The following DLG1 variants were observed in gnomAD, a reference collection of about 807,000 sequenced individuals.
The protein encoded by DLG1 is disks large homolog 1.
A neutral mutation model predicts 123.4 loss-of-function variants in DLG1; 42 were observed. The observed-to-expected ratio is 0.34, with a 90% CI of 0.27 to 0.44. DLG1 has a LOEUF of 0.44. Among genes scored for constraint, DLG1 ranks in the 20% least tolerant of loss-of-function variants. DLG1 has a pLI of 1.00. For missense variants in DLG1, 942 were observed against 1,082.6 expected (o/e 0.87, Z 1.82); for synonymous variants, 317 against 356.2 (o/e 0.89, Z 1.24).
intron 4 of DLG1, among the ~76,000 whole-genome samples, chr3:197,208,843 A>G (rs1044684465): frequency 6.8e-6 from 1 of 146,078 alleles, no homozygotes; most frequent in Admixed American, 6.9e-5. Context: ...AGACCTTTTC[A>G]TCTTCATACA....
At chr3:197,063,363 C>A (rs574868327) in intron 22 of DLG1, among the ~76,000 whole-genome samples, 2 of 151,986 alleles carry the variant, frequency 1.3e-5, no homozygotes, top group Non-Finnish European at 2.9e-5. Flanking sequence ...AGAGAAATGT[C>A]ATACCCCTCA....
intron 4 of DLG1, among the ~76,000 whole-genome samples, chr3:197,248,026 A>G (rs1752598684): frequency 1.3e-5 from 2 of 152,142 alleles, no homozygotes; most frequent in Admixed American, 1.3e-4. Flanking sequence ...GGCCGCCATC[A>G]GAAGCCATAT....
intron 5 of DLG1, among the ~76,000 whole-genome samples, chr3:197,172,141 T>C (rs1320116085): frequency 1.3e-5 from 2 of 151,984 alleles, no homozygotes; most frequent in Non-Finnish European, 2.9e-5. Flanking sequence ...TATAAAATTA[T>C]AATGGAGCTG....
chr3:197,285,394 A>T (rs1327023754), intron 3 of DLG1, among the ~76,000 whole-genome samples: 1 of 152,008 alleles, frequency 6.6e-6, no homozygotes, highest in East Asian at 1.9e-4. Context: ...AGAGTATGTA[A>T]TAATTTAACA....
intron 4 of DLG1, among the ~76,000 whole-genome samples, chr3:197,280,337 T>TTGTGTGTG (rs10575004): frequency 0.012 from 1,773 of 150,014 alleles, 23 homozygotes; most frequent in South Asian, 0.041. Flanking sequence ...GTAGTCCATT[T>TTGTGTGTG]TGTGTGTGTG....
intron 11 of DLG1, among the ~76,000 whole-genome samples, chr3:197,127,788 G>A (rs1220981084): frequency 6.6e-6 from 1 of 151,796 alleles, no homozygotes; most frequent in Non-Finnish European, 1.5e-5. Flanking sequence ...TTGCAATAAA[G>A]CCTGTCATTA....
intron 4 of DLG1, among the ~76,000 whole-genome samples, chr3:197,234,363 A>C (rs1744839557): frequency 6.6e-6 from 1 of 152,232 alleles, no homozygotes; most frequent in African/African-American, 2.4e-5. Context: ...GGGAGGAGGA[A>C]ATGGATAAAA....
At chr3:197,188,521 T>C (rs530447366) in intron 5 of DLG1, among the ~76,000 whole-genome samples, 31 of 152,320 alleles carry the variant, frequency 2.0e-4, no homozygotes, top group African/African-American at 6.5e-4. Flanking sequence ...ATCTATTAAA[T>C]TTTATTTTTA....
intron 5 of DLG1, among the ~76,000 whole-genome samples, chr3:197,170,924 T>C (rs1434171716): frequency 6.6e-6 from 1 of 152,208 alleles, no homozygotes; most frequent in Non-Finnish European, 1.5e-5. Flanking sequence ...CACTTCCATA[T>C]TTTTAGAGAA....
chr3:197,268,182 T>A (rs1306245573), intron 4 of DLG1, among the ~76,000 whole-genome samples: 1 of 152,150 alleles, frequency 6.6e-6, no homozygotes, highest in African/African-American at 2.4e-5. Context: ...CAGATACAGA[T>A]ATAGAGCAAT....
Position 197,291,300 on chromosome 3 carries a change from TACACACACACACACACACAC to T in DLG1, c.151+5026_151+5045del, listed in dbSNP as rs33920543. Among the ~76,000 whole-genome samples the T allele has an allele frequency of 1.3e-4, 19 of 143,290 alleles. 1 individual carries two copies. In the South Asian group the frequency reaches 3.6e-3, roughly 27 times the overall value. The allele number at this position is 143,290 out of a possible 152,430, so 94.0% of individuals were successfully genotyped here. On this transcript the variant is annotated intron_variant, in intron 3 of 24. Coordinates refer to ENST00000667157, the MANE Select transcript of DLG1 (RefSeq NM_001366207.1). ...CTTACTCAAATCTAGCCTACAAAGT[TACACACACACACACACACAC>T]ACACACACACACACACACACAGTTA...
intron 4 of DLG1, among the ~76,000 whole-genome samples, chr3:197,227,483 A>AC (rs1561559036): frequency 2.0e-5 from 3 of 152,078 alleles, no homozygotes; most frequent in Admixed American, 1.3e-4. Context: ...TCAAAAAAAA[A>AC]CCAAAAAAAC....
intron 3 of DLG1, among the ~76,000 whole-genome samples, chr3:197,296,069 G>A (rs768562378): frequency 2.6e-5 from 4 of 152,104 alleles, no homozygotes; most frequent in Non-Finnish European, 5.9e-5. Context: ...TACCTTTTAG[G>A]TCCTTAAACA....
intron 4 of DLG1, among the ~76,000 whole-genome samples, chr3:197,204,780 G>A (rs28510310): frequency 0.28 from 42,750 of 152,062 alleles, 6,419 homozygotes; most frequent in Middle Eastern, 0.39. Context: ...GGATGTGCAC[G>A]GGTTATATGC....
intron 4 of DLG1, among the ~76,000 whole-genome samples, chr3:197,243,436 C>A (rs1273928938): frequency 6.6e-6 from 1 of 152,140 alleles, no homozygotes; most frequent in African/African-American, 2.4e-5. Flanking sequence ...TTCAAACTTA[C>A]CTAACATGAC....
chr3:197,133,936 C>T (rs1040285520), intron 10 of DLG1, among the ~76,000 whole-genome samples: 3 of 152,214 alleles, frequency 2.0e-5, no homozygotes, highest in Admixed American at 6.5e-5. Context: ...ACAAAAGCCT[C>T]ACTAAAAGTT....
chr3:197,115,105 GA>G (rs1560776038), intron 13 of DLG1, among the ~76,000 whole-genome samples: 1 of 151,618 alleles, frequency 6.6e-6, no homozygotes, highest in African/African-American at 2.4e-5. Context: ...ACAGAAGAGG[GA>G]AGATACAAGA....
At chr3:197,296,954 G>GGGC (rs1553843662) in intron 2 of DLG1, 1 of 446,884 alleles carries the variant, frequency 2.2e-6, no homozygotes, top group Non-Finnish European at 3.9e-6. Context: ...GACATCTGTT[G>GGGC]GGGGGGGGCT....
rs904284855 is a variant in DLG1, at chr3:197,261,020, T to C, written c.318+21659A>G. Among the ~76,000 whole-genome samples, 7 of 152,088 alleles carry C rather than the reference T, an allele frequency of 4.6e-5. No homozygotes were observed. In the East Asian group the frequency reaches 1.3e-3, roughly 29 times the overall value. ...TTACCAACAAAGGCAAATTTTAACT[T>C]TACTGCCTTACTAAATCCATTTCAC... On this transcript the variant is annotated intron_variant, in intron 4 of 24. Coordinates refer to ENST00000667157, the MANE Select transcript of DLG1 (RefSeq NM_001366207.1).
Sources: gnomAD v4.1 joint callset for allele counts (sites outside exome capture counted in the v4.1 genomes callset) on GRCh38, gnomAD v4.1.1 for gene constraint, MANE v1.5 for transcripts, NCBI Gene and HGNC (gene_info 2026-07-23, HGNC 2026-07-21) for gene names.